TIMP2: variants seen among roughly 807,000 people sequenced by gnomAD.
The protein encoded by TIMP2 is metalloproteinase inhibitor 2.
TIMP2 carries 5 observed loss-of-function variants against 24.3 expected under a neutral mutation model. The observed-to-expected ratio is 0.21, with a 90% CI of 0.11 to 0.43. The LOEUF (loss-of-function observed/expected upper bound fraction) is 0.43. Ranked by LOEUF, TIMP2 falls within the 20% of genes least tolerant of loss-of-function variation. The pLI is 1.00. For missense variants in TIMP2, 221 were observed against 297.5 expected, an observed-to-expected ratio of 0.74 and a Z score of 1.89; for synonymous variants, 130 against 123.2, an observed-to-expected ratio of 1.06 and a Z score of -0.37.
intron 1 of TIMP2, among the ~76,000 whole-genome samples, chr17:78,879,018 T>G (rs2069754623): frequency 6.6e-6 from 1 of 152,110 alleles, no homozygotes; most frequent in African/African-American, 2.4e-5. Flanking sequence ...ACAGCTCTGA[T>G]CGGTGCACAC....
chr17:78,914,090 C>T (rs2070233045), intron 1 of TIMP2, among the ~76,000 whole-genome samples: 1 of 152,040 alleles, frequency 6.6e-6, no homozygotes, highest in Non-Finnish European at 1.5e-5. Context: ...GGACGGCTTC[C>T]TCTGCGAGGG....
At chr17:78,873,131 G>A (rs1392757550) in intron 2 of TIMP2, among the ~76,000 whole-genome samples, 6 of 151,872 alleles carry the variant, frequency 4.0e-5, no homozygotes, top group Non-Finnish European at 7.4e-5. Flanking sequence ...TATTTTTAAT[G>A]ACAAAATTAA....
At chr17:78,895,679 A>G (rs2069987841) in intron 1 of TIMP2, among the ~76,000 whole-genome samples, 1 of 152,224 alleles carries the variant, frequency 6.6e-6, no homozygotes, top group African/African-American at 2.4e-5. Context: ...ACCAAAGCTC[A>G]GAGAGGTTGA....
chr17:78,919,210 A>G (rs1225288960), intron 1 of TIMP2, among the ~76,000 whole-genome samples: 1 of 152,224 alleles, frequency 6.6e-6, no homozygotes, highest in East Asian at 1.9e-4. Flanking sequence ...CTCCCTGGGC[A>G]ACGCCCGCTG....
intron 1 of TIMP2, chr17:78,897,055 C>G: frequency 1.0e-6 from 1 of 959,526 alleles, no homozygotes; most frequent in African/African-American, 1.8e-5. Flanking sequence ...CAGGGACCCT[C>G]CACCCAGGCA....
chr17:78,877,636 C>T (rs2069739757), intron 1 of TIMP2, among the ~76,000 whole-genome samples: 2 of 151,924 alleles, frequency 1.3e-5, no homozygotes, highest in Admixed American at 1.3e-4. Context: ...GCAAGCCGGC[C>T]TTTATTACAG....
At position 78,878,263 on chromosome 17, in the gene TIMP2, G is replaced by A. The variant is rs527637847; in HGVS notation, c.131-4344C>T. 3.3e-5 allele frequency among the ~76,000 whole-genome samples: 5 copies of A among 152,288 alleles called. No individual in the cohort carries two copies. In the South Asian group the frequency reaches 1.0e-3, roughly 32 times the overall value. On this transcript the variant is annotated intron_variant, in intron 1 of 4. Coordinates refer to ENST00000262768, the MANE Select transcript of TIMP2 (RefSeq NM_003255.5). ...CCTGCATTCACCCCTGGATGGCTGC[G>A]TGATCTTTGAGAAGCTCCTTGACTT...
chr17:78,913,061 C>T (rs1329468893), intron 1 of TIMP2, among the ~76,000 whole-genome samples: 3 of 152,074 alleles, frequency 2.0e-5, no homozygotes, highest in South Asian at 2.1e-4. Context: ...AAAAATTAGC[C>T]GGGTGTGGTG....
intron 1 of TIMP2, among the ~76,000 whole-genome samples, chr17:78,878,452 C>A (rs115043691): frequency 1.3e-5 from 2 of 152,076 alleles, no homozygotes; most frequent in African/African-American, 4.8e-5. Context: ...ACAAGCAGGG[C>A]GAATTCTCCC....
intron 1 of TIMP2, chr17:78,904,980 A>T (rs2070144703): frequency 6.6e-6 from 1 of 152,196 alleles, no homozygotes; most frequent in Non-Finnish European, 1.5e-5. Flanking sequence ...TCTCTACTAA[A>T]AATACAAAAA....
chr17:78,901,982 C>T lies in TIMP2; in HGVS notation c.130+22977G>A, dbSNP rs2070100147. The T allele has an allele frequency of 5.1e-6, 3 of 590,918 alleles. No homozygotes were observed. In the East Asian group the frequency reaches 8.6e-5, roughly 17 times the overall value. 36.6% of individuals were successfully genotyped at this position (590,918 alleles called of 1,614,324 possible). On this transcript the variant is annotated intron_variant, in intron 1 of 4. Transcript: ENST00000262768. Reference sequence around the variant, plus strand: ...ACAAACATCAGAAACATTTTTAACTCCGTTTCTCTGAGTTCTAGCCTCTAA... The same window carrying T: ...ACAAACATCAGAAACATTTTTAACTTCGTTTCTCTGAGTTCTAGCCTCTAA...
intron 1 of TIMP2, among the ~76,000 whole-genome samples, chr17:78,907,493 T>C (rs1325737305): frequency 1.3e-5 from 2 of 152,230 alleles, no homozygotes; most frequent in Non-Finnish European, 2.9e-5. Flanking sequence ...TGCCATCTCA[T>C]GTGGGCACAG....
rs918270778 is a variant in TIMP2 at position 78,906,829 on chromosome 17, C to G, written c.130+18130G>C. Among the ~76,000 whole-genome samples, 5 of 152,054 alleles carry G rather than the reference C, an allele frequency of 3.3e-5. No individual in the cohort carries two copies. In the South Asian group the frequency reaches 1.0e-3, roughly 31 times the overall value. Reference sequence around the variant, plus strand: ...AACTCCTGACCTCAGGTGATCCCCCCGCCTCAGCCTCCCAAAGTGCTGGGA... The same window carrying G: ...AACTCCTGACCTCAGGTGATCCCCCGGCCTCAGCCTCCCAAAGTGCTGGGA... On this transcript the variant is annotated intron_variant, in intron 1 of 4. Coordinates refer to ENST00000262768, the MANE Select transcript of TIMP2 (RefSeq NM_003255.5).
At chr17:78,909,358 T>TAAAAAAA (rs528903946) in intron 1 of TIMP2, among the ~76,000 whole-genome samples, 2 of 144,136 alleles carry the variant, frequency 1.4e-5, no homozygotes, top group African/African-American at 5.1e-5. Flanking sequence ...CTCATCTCTT[T>TAAAAAAA]AAAAAAAAAA....
At chr17:78,901,773 G>A in intron 1 of TIMP2, 2 of 717,254 alleles carry the variant, frequency 2.8e-6, no homozygotes, top group Non-Finnish European at 2.6e-6. Context: ...GGGGAAGAGG[G>A]GTGGTACTTA....
intron 1 of TIMP2, among the ~76,000 whole-genome samples, chr17:78,893,060 T>TGTGTGCAGGAGTGTGTGCACGC (rs2069926828): frequency 1.3e-5 from 2 of 151,686 alleles, no homozygotes; most frequent in Non-Finnish European, 3.0e-5. Context: ...CAAGCATGTG[T>TGTGTGCAGGAGTGTGTGCACGC]GTGTGCAGGA....
chr17:78,875,004 G>A (rs1034429587), intron 1 of TIMP2, among the ~76,000 whole-genome samples: 16 of 152,302 alleles, frequency 1.1e-4, no homozygotes, highest in African/African-American at 3.9e-4. Context: ...GCCTCCCAAA[G>A]TGCTGGGATT....
Position 78,913,516 on chromosome 17 carries a change from G to C in TIMP2, c.130+11443C>G, listed in dbSNP as rs2070227179. Among the ~76,000 whole-genome samples, 3 of 152,162 alleles carry C rather than the reference G, an allele frequency of 2.0e-5. 1 individual carries two copies. The South Asian group carries it at 6.2e-4, about 32-fold the overall frequency. ...GCTTGAGCCCAGGCGTTCAAGACCA[G>C]ACTGGGCAACGTGGCAAAACCTCGT... On this transcript the variant is annotated intron_variant, in intron 1 of 4. Transcript: ENST00000262768.
intron 1 of TIMP2, among the ~76,000 whole-genome samples, chr17:78,913,191 C>T (rs1434156808): frequency 2.0e-5 from 3 of 152,162 alleles, no homozygotes; most frequent in Non-Finnish European, 2.9e-5. Flanking sequence ...TACAGGACCT[C>T]GCCATACCAA....
Sources: gnomAD v4.1 joint callset for allele counts (sites outside exome capture counted in the v4.1 genomes callset) on GRCh38, gnomAD v4.1.1 for gene constraint, MANE v1.5 for transcripts, NCBI Gene and HGNC (gene_info 2026-07-23, HGNC 2026-07-21) for gene names.